USP31: variants seen among roughly 807,000 people sequenced by gnomAD.
USP31 encodes the protein ubiquitin specific peptidase 31.
Under a neutral mutation model 119.4 loss-of-function variants are expected in USP31, and 44 were observed. That is an observed-to-expected ratio of 0.37 (90% confidence interval 0.29 to 0.47). The LOEUF is 0.47. USP31 is among the 20% of genes least tolerant of loss of function. The pLI is 0.99. For synonymous variants in USP31, 749 were observed against 705.6 expected, an observed-to-expected ratio of 1.06 and a Z score of -0.97; for missense variants, 1,643 against 1,730.2, an observed-to-expected ratio of 0.95 and a Z score of 0.89.
At chr16:23,077,381 AT>A (rs1900622232) in intron 13 of USP31, among the ~76,000 whole-genome samples, 1 of 152,246 alleles carries the variant, frequency 6.6e-6, no homozygotes, top group Non-Finnish European at 1.5e-5. Flanking sequence ...AGAATAAAAG[AT>A]TATTGTGTCC....
At chr16:23,102,743 T>G (rs1484079910) in intron 5 of USP31, among the ~76,000 whole-genome samples, 3 of 152,160 alleles carry the variant, frequency 2.0e-5, no homozygotes, top group African/African-American at 7.2e-5. Context: ...AAAGGATGAT[T>G]GAATGTATAC....
chr16:23,148,741 C>T lies in USP31; in HGVS notation c.530G>A (p.Gly177Asp), dbSNP rs1337577387. The T allele has an allele frequency of 1.3e-6, 2 of 1,492,086 alleles. No homozygotes were observed. The highest frequency in any genetic ancestry group is 1.8e-6 in the Non-Finnish European group (2 of 1,124,500). The allele number at this position is 1,492,086 out of a possible 1,614,324, so 92.4% of individuals were successfully genotyped here. The part of the protein sequence containing the change: ...EPSPDPEQPA[G>D]RGAQGQGEVT... Reference sequence around the variant, plus strand: ...CTCGCCCTGGCCCTGCGCGCCGCGGCCCGCAGGCTGCTCCGGGTCAGGCGA... The same window carrying T: ...CTCGCCCTGGCCCTGCGCGCCGCGGTCCGCAGGCTGCTCCGGGTCAGGCGA... Residue 177 changes from glycine (G) to aspartate (D), a missense_variant, in exon 1 of 16, where the codon GGC becomes GAC. Physicochemically the swap from Gly to Asp is moderately conservative, Grantham distance 94 (BLOSUM62 -1). Coordinates refer to ENST00000219689, the MANE Select transcript of USP31 (RefSeq NM_020718.4).
In USP31 at chr16:23,062,383, A is replaced by ATTT. The variant is rs1899875000; in HGVS notation, c.*5662_*5663insAAA. On this transcript the variant is annotated 3_prime_UTR_variant, in exon 16 of 16. Coordinates refer to ENST00000219689, the MANE Select transcript of USP31 (RefSeq NM_020718.4). ...TAGCAATAAGGGTTTTTTTTTTTTA[A>ATTT]AAAAAAGACACCAAAGAAAATGTTT... The ATTT allele has an allele frequency of 2.4e-5, 2 of 82,642 alleles. No individual in the cohort carries two copies. Among genetic ancestry groups the ATTT allele is most frequent in the African/African-American group, 7.3e-5 (2 of 27,306 alleles). The allele number at this position is 82,642 out of a possible 1,614,324, so 5.1% of individuals were successfully genotyped here.
At chr16:23,083,713 A>AGGGGGGG (rs1900954021) in intron 11 of USP31, among the ~76,000 whole-genome samples, 39 of 36,666 alleles carry the variant, frequency 1.1e-3, no homozygotes, top group Non-Finnish European at 1.8e-3. Context: ...GGGGGGGGGA[A>AGGGGGGG]GGGGTGAAAA....
At chr16:23,084,758 C>T in intron 11 of USP31, 102 bp downstream of exon 11, 1 of 1,506,458 alleles carries the variant, frequency 6.6e-7, no homozygotes. Context: ...ATGCAAAATC[C>T]TGCGGCGACT....
At chr16:23,102,286 C>T in intron 6 of USP31, 33 bp downstream of exon 6, 1 of 1,596,332 alleles carries the variant, frequency 6.3e-7, no homozygotes, top group Non-Finnish European at 8.5e-7. Context: ...CCTGCAAACC[C>T]AGGTGGCATT....
At position 23,067,953 on chromosome 16, in the gene USP31, TACAAA is replaced by T. The variant is rs1900149722; in HGVS notation, c.*88_*92del. On this transcript the variant is annotated 3_prime_UTR_variant, in exon 16 of 16. Coordinates refer to ENST00000219689, the MANE Select transcript of USP31 (RefSeq NM_020718.4). The stretch of plus-strand genomic sequence containing the variant: ...CAGTCGGGCACGTGACTCAAAAAAG[TACAAA>T]ACAAAAGCACAGGAGGCTTTGGTGG... The T allele has an allele frequency of 4.0e-6, 6 of 1,486,454 alleles. No individual in the cohort carries two copies. Among genetic ancestry groups the T allele is most frequent in the African/African-American group, 1.4e-5 (1 of 71,058 alleles). The allele number at this position is 1,486,454 out of a possible 1,614,324, so 92.1% of individuals were successfully genotyped here.
chr16:23,085,376 A>T (rs1217574153), intron 10 of USP31, among the ~76,000 whole-genome samples: 1 of 152,228 alleles, frequency 6.6e-6, no homozygotes, highest in Non-Finnish European at 1.5e-5. Flanking sequence ...TCAGCAGTGA[A>T]CAAATGTTCT....
intron 6 of USP31, among the ~76,000 whole-genome samples, chr16:23,092,065 TG>T (rs1417986212): frequency 6.9e-6 from 1 of 145,780 alleles, no homozygotes; most frequent in Non-Finnish European, 1.5e-5. Context: ...GTGTTCAAAC[TG>T]TGGACCCATT....
At chr16:23,140,874 G>T (rs1016245246) in intron 1 of USP31, among the ~76,000 whole-genome samples, 6 of 152,104 alleles carry the variant, frequency 3.9e-5, no homozygotes, top group African/African-American at 1.4e-4. Context: ...CCAGTGTCTT[G>T]CCACAAATCA....
rs554906323 is a variant in USP31, at chr16:23,098,279, C to T, written c.1234+4040G>A. Among the ~76,000 whole-genome samples, 10 of 152,224 alleles carry T rather than the reference C, an allele frequency of 6.6e-5. No individual in the cohort carries two copies. The East Asian group carries it at 1.5e-3, about 23-fold the overall frequency. ...TCCAACTTACAAGGGATGCAAAGGA[C>T]GTCTTCAAGGAGAACTACAAACCAC... On this transcript the variant is annotated intron_variant, in intron 6 of 15. Coordinates refer to ENST00000219689, the MANE Select transcript of USP31 (RefSeq NM_020718.4).
In USP31 at chr16:23,068,057, T is replaced by C; in HGVS notation, c.4048A>G (p.Lys1350Glu). 6.2e-7 allele frequency: 1 copy of C among 1,608,458 alleles called. No homozygotes were observed. Among genetic ancestry groups the C allele is most frequent in the Non-Finnish European group, 8.5e-7 (1 of 1,177,296 alleles). Residue 1350 changes from lysine (K) to glutamate (E), a missense_variant, in exon 16 of 16, where the codon AAA becomes GAA. Around this residue, in one of 5 missense-constraint regions of USP31, gnomAD observed 699 missense variants for 650.9 expected, o/e 1.07. Coordinates refer to ENST00000219689, the MANE Select transcript of USP31 (RefSeq NM_020718.4). ...TGATTGCAGAAATATCACTGAGGTT[T>C]TTGAGAAGGCCGTGCAGAGGTTTGC... ...SMQTSARPSQKPQ is the reference protein window; with the variant it reads ...SMQTSARPSQEPQ
chr16:23,071,995 G>A (rs1285442183), intron 15 of USP31, 50 bp downstream of exon 15: 1 of 1,571,084 alleles, frequency 6.4e-7, no homozygotes, highest in African/African-American at 1.4e-5. Flanking sequence ...GGACTCTGCT[G>A]TGTCTGTGAG....
chr16:23,107,850 G>A (rs970357929), intron 2 of USP31, among the ~76,000 whole-genome samples, 196 bp downstream of exon 2: 1 of 152,142 alleles, frequency 6.6e-6, no homozygotes, highest in Non-Finnish European at 1.5e-5. Flanking sequence ...ATTCCTTGCG[G>A]ACAACAGCTC....
At chr16:23,117,557 G>A (rs981999286) in intron 1 of USP31, among the ~76,000 whole-genome samples, 14 of 152,200 alleles carry the variant, frequency 9.2e-5, no homozygotes, top group African/African-American at 3.1e-4. Flanking sequence ...TATCCTATAA[G>A]TGGATTCAGC....
At chr16:23,146,643 T>C (rs1319445685) in intron 1 of USP31, among the ~76,000 whole-genome samples, 2 of 152,178 alleles carry the variant, frequency 1.3e-5, no homozygotes, top group Admixed American at 6.5e-5. Context: ...CAACGATTTT[T>C]TTCCAAGAAA....
At chr16:23,094,260 A>T (rs1052228913) in intron 6 of USP31, among the ~76,000 whole-genome samples, 1 of 152,170 alleles carries the variant, frequency 6.6e-6, no homozygotes, top group African/African-American at 2.4e-5. Context: ...CAGCAGTCTG[A>T]GAACAAACTG....
intron 13 of USP31, among the ~76,000 whole-genome samples, chr16:23,075,075 A>G (rs973592088): frequency 6.6e-6 from 1 of 152,196 alleles, no homozygotes; most frequent in African/African-American, 2.4e-5. Context: ...CGCGGGTGAG[A>G]AAGGGCTACA....
intron 1 of USP31, among the ~76,000 whole-genome samples, chr16:23,135,320 T>C (rs151012151): frequency 1.3e-4 from 20 of 152,016 alleles, no homozygotes; most frequent in African/African-American, 4.6e-4. Context: ...CTATTCAACA[T>C]AGTATGAAAA....
Sources: gnomAD v4.1 joint callset for allele counts (sites outside exome capture counted in the v4.1 genomes callset) on GRCh38, gnomAD v4.1.1 for gene constraint, gnomAD v4.1.1 regional missense constraint, MANE v1.5 for transcripts, NCBI Gene and HGNC (gene_info 2026-07-23, HGNC 2026-07-21) for gene names.